Variants in RAD54B observed in about 807,000 individuals in gnomAD.
The protein encoded by RAD54B is DNA repair and recombination protein RAD54B.
Under a neutral mutation model 95.8 loss-of-function variants are expected in RAD54B, and 78 were observed. That is an observed-to-expected ratio of 0.81 (90% CI 0.68 to 0.98). RAD54B has a LOEUF of 0.98. RAD54B is among the 50% of genes least tolerant of loss of function. The pLI, the probability that RAD54B is intolerant of heterozygous loss-of-function variation, is 0.00. For synonymous variants in RAD54B, 328 were observed against 354.9 expected, an observed-to-expected ratio of 0.92 and a Z score of 0.85; for missense variants, 957 against 1,056.6, an observed-to-expected ratio of 0.91 and a Z score of 1.31.
chr8:94,411,988 A>C (rs1032616627), intron 3 of RAD54B, among the ~76,000 whole-genome samples: 1 of 152,048 alleles, frequency 6.6e-6, no homozygotes, highest in African/African-American at 2.4e-5. Context: ...ATTCCTCCTT[A>C]ACTGAAATTT....
intron 2 of RAD54B, 29 bp downstream of exon 2, chr8:94,467,376 T>C: frequency 6.4e-7 from 1 of 1,561,886 alleles, no homozygotes; most frequent in South Asian, 1.2e-5. Flanking sequence ...CTCTATATTA[T>C]CTATATCATG....
In RAD54B at chr8:94,407,641, GACTTCTATTTCTTTTCC is replaced by G; in HGVS notation, c.562_578del (p.Gly188HisfsTer8). 1 of 1,613,932 alleles carries G rather than the reference GACTTCTATTTCTTTTCC, an allele frequency of 6.2e-7. No individual in the cohort carries two copies. On this transcript the variant is annotated frameshift_variant, in exon 5 of 15. Transcript: ENST00000336148. LOFTEE classifies it high-confidence loss of function. The stretch of plus-strand genomic sequence containing the variant: ...AGTCATCTGGAGAGATTACACCCAT[GACTTCTATTTCTTTTCC>G]ACAAATCATCAGTGTTTGGCCCTCT...
intron 11 of RAD54B, among the ~76,000 whole-genome samples, chr8:94,382,180 A>C (rs1183874489): frequency 6.6e-6 from 1 of 152,004 alleles, no homozygotes; most frequent in Non-Finnish European, 1.5e-5. Flanking sequence ...GATAAAAAGG[A>C]CCTACTAAAA....
At position 94,467,452 on chromosome 8, in the gene RAD54B, G is replaced by C. The variant is rs28910279; in HGVS notation, c.88C>G (p.Leu30Val). 0.025 allele frequency: 40,654 copies of C among 1,612,634 alleles called. 1,234 individuals carry two copies. Among genetic ancestry groups the C allele is most frequent in the South Asian group, 0.12 (10,679 of 90,888 alleles). ...TTCAGTTTTGTAATCTCTTCATTCA[G>C]ACCTGGATTACTTCTTCCTGGAGGT... is the stretch of plus-strand genomic sequence containing the variant. ...FIPPGRSNPG[L>V]NEEITKLNPD... Residue 30 changes from leucine (L) to valine (V), a missense_variant, in exon 2 of 15, where the codon CTG (leucine) becomes GTG (valine). Transcript: ENST00000336148.
At chr8:94,378,681 G>T in intron 12 of RAD54B, 47 bp from the exon 13 acceptor site, 1 of 1,311,318 alleles carries the variant, frequency 7.6e-7, no homozygotes. Context: ...GAAACTAATG[G>T]CCCCTTCCAC....
In RAD54B at chr8:94,429,389, G is replaced by GC. The variant is rs1402039666; in HGVS notation, c.305-18075dup. On this transcript the variant is annotated intron_variant, in intron 3 of 14. Transcript: ENST00000336148. ...ACCAAAAATAAAAAAGATGTATACT[G>GC]CACTTTTTTTTAACACAGATCTCTT... 9.2e-6 allele frequency: 7 copies of GC among 760,444 alleles called. No homozygotes were observed. The African/African-American group carries it at 1.1e-4, about 12-fold the overall frequency. 47.1% of individuals were successfully genotyped at this position (760,444 alleles called of 1,614,324 possible).
At chr8:94,422,071 G>A (rs1031328869) in intron 3 of RAD54B, among the ~76,000 whole-genome samples, 4 of 151,778 alleles carry the variant, frequency 2.6e-5, no homozygotes, top group African/African-American at 9.7e-5. Context: ...TTAAATTTCC[G>A]ATTGCCAAAT....
chr8:94,415,199 C>T (rs1811631580), intron 3 of RAD54B, among the ~76,000 whole-genome samples: 2 of 151,688 alleles, frequency 1.3e-5, no homozygotes, highest in East Asian at 3.9e-4. Context: ...ACAGAGCCCT[C>T]AGAAATAACA....
At chr8:94,396,242 G>A (rs777474341) in intron 8 of RAD54B, among the ~76,000 whole-genome samples, 4 of 149,312 alleles carry the variant, frequency 2.7e-5, no homozygotes, top group Admixed American at 6.7e-5. Context: ...TCTAGACTAG[G>A]TAAAACCTGT....
chr8:94,449,125 A>G (rs1376685321), intron 3 of RAD54B, among the ~76,000 whole-genome samples: 4 of 151,934 alleles, frequency 2.6e-5, no homozygotes, highest in Non-Finnish European at 5.9e-5. Context: ...ATGCACAATA[A>G]AATTTATTTT....
intron 3 of RAD54B, among the ~76,000 whole-genome samples, chr8:94,414,536 A>G (rs1811607275): frequency 6.6e-6 from 1 of 152,144 alleles, no homozygotes; most frequent in Admixed American, 6.6e-5. Flanking sequence ...TTTAGCATGA[A>G]GCGTTGTTGA....
At chr8:94,450,898 T>C (rs1812641034) in intron 3 of RAD54B, among the ~76,000 whole-genome samples, 1 of 152,114 alleles carries the variant, frequency 6.6e-6, no homozygotes, top group Non-Finnish European at 1.5e-5. Context: ...GGTAAATATA[T>C]TTAAGATAAC....
intron 3 of RAD54B, among the ~76,000 whole-genome samples, chr8:94,433,373 C>T (rs1294354816): frequency 6.6e-6 from 1 of 151,944 alleles, no homozygotes; most frequent in East Asian, 1.9e-4. Context: ...TAATCCACAA[C>T]TGTATACTCA....
chr8:94,413,405 G>A lies in RAD54B; in HGVS notation c.305-2090C>T, dbSNP rs562444176. Among the ~76,000 whole-genome samples, 27 of 152,154 alleles carry A rather than the reference G, an allele frequency of 1.8e-4. No individual in the cohort carries two copies. The East Asian group carries it at 3.3e-3, about 18-fold the overall frequency. On this transcript the variant is annotated intron_variant, in intron 3 of 14. Transcript: ENST00000336148. ...GAAATAGAACTATTCACACATATAC[G>A]GCGAAATTATTTTCAACAAAGGTAG...
intron 3 of RAD54B, among the ~76,000 whole-genome samples, chr8:94,440,264 T>C (rs1013874335): frequency 6.6e-6 from 1 of 152,176 alleles, no homozygotes; most frequent in African/African-American, 2.4e-5. Context: ...ATAACCTATG[T>C]AAATTGTAAT....
intron 3 of RAD54B, among the ~76,000 whole-genome samples, chr8:94,420,647 C>A (rs1811782830): frequency 6.6e-6 from 1 of 151,466 alleles, no homozygotes. Context: ...TGTTATATTT[C>A]AGGGAGAAAC....
intron 8 of RAD54B, among the ~76,000 whole-genome samples, chr8:94,397,978 C>A (rs1156941141): frequency 6.6e-6 from 1 of 151,920 alleles, no homozygotes; most frequent in East Asian, 1.9e-4. Flanking sequence ...TCAAGTATAA[C>A]GAATCCACTC....
intron 5 of RAD54B, among the ~76,000 whole-genome samples, chr8:94,405,933 C>G (rs985860429): frequency 2.0e-5 from 3 of 151,694 alleles, no homozygotes; most frequent in African/African-American, 7.3e-5. Flanking sequence ...AGTCTACAAC[C>G]TAATTCTATC....
chr8:94,434,540 C>T (rs1274152324), intron 3 of RAD54B, among the ~76,000 whole-genome samples: 1 of 151,562 alleles, frequency 6.6e-6, no homozygotes, highest in East Asian at 1.9e-4. Context: ...AGTATGTTAA[C>T]GCAAACACTA....
Sources: gnomAD v4.1 joint callset for allele counts (sites outside exome capture counted in the v4.1 genomes callset) on GRCh38, gnomAD v4.1.1 for gene constraint, MANE v1.5 for transcripts, NCBI Gene and HGNC (gene_info 2026-07-23, HGNC 2026-07-21) for gene names.